Variants in SPECC1L observed in about 807,000 individuals in gnomAD.
SPECC1L encodes sperm antigen with calponin homology and coiled-coil domains 1 like, also known as cytospin-A.
Under a neutral mutation model 116.8 loss-of-function variants are expected in SPECC1L, and 40 were observed. The observed-to-expected ratio is 0.34, with a 90% CI of 0.27 to 0.45. The LOEUF is 0.45. Among genes scored for constraint, SPECC1L ranks in the 20% least tolerant of loss-of-function variants. The pLI is 1.00. For missense variants in SPECC1L, 1,110 were observed against 1,373.6 expected, an observed-to-expected ratio of 0.81 and a Z score of 3.03; for synonymous variants, 504 against 500.6, an observed-to-expected ratio of 1.01 and a Z score of -0.09.
Position 24,392,720 on chromosome 22 carries a change from C to T in SPECC1L, c.3088-18868C>T, listed in dbSNP as rs552352469. On this transcript the variant is annotated intron_variant, in intron 14 of 16. Transcript: ENST00000314328. ...GAGGCTGGTTATCTATAAACACCAC[C>T]CAAAACTTAATGGCTTAACATAATG... Among the ~76,000 whole-genome samples, 13 of 152,282 alleles carry T rather than the reference C, an allele frequency of 8.5e-5. No homozygotes were observed. In the South Asian group the frequency reaches 2.5e-3, roughly 29 times the overall value.
chr22:24,393,552 G>C (rs892136425), intron 14 of SPECC1L, among the ~76,000 whole-genome samples: 1 of 152,202 alleles, frequency 6.6e-6, no homozygotes, highest in Non-Finnish European at 1.5e-5. Flanking sequence ...ACTGTATCCA[G>C]TTCTGCCATG....
At chr22:24,363,238 G>A (rs142826225) in intron 11 of SPECC1L, 23 bp from the exon 12 acceptor site, 1 of 1,602,924 alleles carries the variant, frequency 6.2e-7, no homozygotes, top group East Asian at 2.2e-5. Context: ...TTTCTTTATT[G>A]GGATTCTTTC....
intron 14 of SPECC1L, among the ~76,000 whole-genome samples, chr22:24,402,015 C>T (rs2042485765): frequency 6.6e-6 from 1 of 152,128 alleles, no homozygotes; most frequent in South Asian, 2.1e-4. Context: ...GCCCTGCCTC[C>T]TTCTTGCTCC....
chr22:24,405,729 A>C lies in SPECC1L; in HGVS notation c.3088-5859A>C, dbSNP rs137911268. Among the ~76,000 whole-genome samples the C allele has an allele frequency of 4.0e-3, 613 of 151,716 alleles. 7 individuals carry two copies. Among genetic ancestry groups the C allele is most frequent in the African/African-American group, 0.014 (571 of 41,334 alleles). On this transcript the variant is annotated intron_variant, in intron 14 of 16. Coordinates refer to ENST00000314328, the MANE Select transcript of SPECC1L (RefSeq NM_015330.6). The stretch of plus-strand genomic sequence containing the variant: ...GTGGCGGGTGCTTACAATCCCAGCT[A>C]CTCAGGAGGCTGATGCAGAGAATTG...
intron 3 of SPECC1L, among the ~76,000 whole-genome samples, chr22:24,308,243 T>C (rs557110379): frequency 6.6e-6 from 1 of 152,322 alleles, no homozygotes; most frequent in African/African-American, 2.4e-5. Flanking sequence ...CCAGTTGTGC[T>C]AATTTCAGAT....
intron 14 of SPECC1L, among the ~76,000 whole-genome samples, chr22:24,385,887 C>T (rs920388642): frequency 7.9e-5 from 12 of 152,166 alleles, no homozygotes; most frequent in Non-Finnish European, 1.6e-4. Context: ...ATGCTATTAA[C>T]TACTTTGTCC....
At chr22:24,340,189 C>T (rs911430607) in intron 10 of SPECC1L, among the ~76,000 whole-genome samples, 3 of 129,126 alleles carry the variant, frequency 2.3e-5, no homozygotes, top group African/African-American at 9.0e-5. Flanking sequence ...CACTCTGTTG[C>T]CCAGGCTGGA....
At chr22:24,280,809 ACTT>A (rs2048928273) in intron 2 of SPECC1L, among the ~76,000 whole-genome samples, 1 of 151,800 alleles carries the variant, frequency 6.6e-6, no homozygotes, top group African/African-American at 2.4e-5. Flanking sequence ...GAACTCCTGA[ACTT>A]CTGGGCTCAC....
chr22:24,327,650 T>TAA (rs201501093), intron 6 of SPECC1L, among the ~76,000 whole-genome samples: 1 of 148,182 alleles, frequency 6.7e-6, no homozygotes, highest in Non-Finnish European at 1.5e-5. Context: ...GGATACTTAT[T>TAA]AAAAAAAAAA....
intron 14 of SPECC1L, among the ~76,000 whole-genome samples, chr22:24,402,216 A>G (rs1221195631): frequency 6.8e-6 from 1 of 147,594 alleles, no homozygotes; most frequent in East Asian, 2.1e-4. Context: ...GGAGGAGATA[A>G]GCACTGTAGT....
chr22:24,393,970 C>CT (rs566035312), intron 14 of SPECC1L, among the ~76,000 whole-genome samples: 1 of 152,174 alleles, frequency 6.6e-6, no homozygotes, highest in African/African-American at 2.4e-5. Flanking sequence ...GCTCCTTTCA[C>CT]TTAGCACATT....
At chr22:24,282,223 AG>A (rs1420640554) in intron 2 of SPECC1L, among the ~76,000 whole-genome samples, 2 of 152,214 alleles carry the variant, frequency 1.3e-5, no homozygotes, top group African/African-American at 4.8e-5. Context: ...CAGTTTAGGG[AG>A]GGTCAGAATC....
intron 1 of SPECC1L, among the ~76,000 whole-genome samples, chr22:24,272,982 C>G (rs192125111): frequency 1.3e-3 from 193 of 152,258 alleles, no homozygotes; most frequent in Non-Finnish European, 1.5e-3. Flanking sequence ...AGCTTTATCA[C>G]AGGTGCACGT....
rs41277307 is a variant in SPECC1L, at chr22:24,415,460, C to T, written c.*837C>T. 1,130 of 152,708 alleles carry T rather than the reference C, an allele frequency of 7.4e-3. 6 individuals are homozygous for T. Among genetic ancestry groups the T allele is most frequent in the South Asian group, 0.013 (61 of 4,826 alleles). The allele number at this position is 152,708 out of a possible 1,614,324, so 9.5% of individuals were successfully genotyped here. ...TGTTACGAGCAATGCTGGAAAAGGT[C>T]GCTCCTGTTCTGTTAGTACCAAAGT... On this transcript the variant is annotated 3_prime_UTR_variant, in exon 17 of 17. Coordinates refer to ENST00000314328, the MANE Select transcript of SPECC1L (RefSeq NM_015330.6).
intron 11 of SPECC1L, 148 bp from the exon 12 acceptor site, chr22:24,363,113 A>G (rs889682673): frequency 9.6e-6 from 7 of 732,254 alleles, no homozygotes; most frequent in Non-Finnish European, 1.7e-5. Flanking sequence ...TTGGATAAAC[A>G]GACTATGGGA....
At chr22:24,317,417 G>A (rs2040607904) in intron 4 of SPECC1L, among the ~76,000 whole-genome samples, 1 of 124,312 alleles carries the variant, frequency 8.0e-6, no homozygotes, top group East Asian at 2.6e-4. Context: ...CCTCCCAGAT[G>A]GGGCGCTGGC....
chr22:24,372,867 T>G (rs895761254), intron 14 of SPECC1L, among the ~76,000 whole-genome samples: 9 of 152,234 alleles, frequency 5.9e-5, no homozygotes, highest in African/African-American at 2.2e-4. Context: ...ATTATATATC[T>G]AGAAAACTCC....
At chr22:24,370,013 G>A (rs2041842706) in intron 14 of SPECC1L, among the ~76,000 whole-genome samples, 1 of 152,156 alleles carries the variant, frequency 6.6e-6, no homozygotes, top group Admixed American at 6.5e-5. Flanking sequence ...TCATGCTTTG[G>A]CACAAATGCA....
At chr22:24,310,486 G>A (rs2040441173) in intron 3 of SPECC1L, among the ~76,000 whole-genome samples, 1 of 152,208 alleles carries the variant, frequency 6.6e-6, no homozygotes, top group Non-Finnish European at 1.5e-5. Context: ...CAACTAAGGA[G>A]AGTGCCTGTT....
Sources: allele counts gnomAD v4.1 joint callset (sites outside exome capture counted in the v4.1 genomes callset), GRCh38; gene constraint gnomAD v4.1.1; transcripts MANE v1.5; gene names NCBI Gene and HGNC (gene_info 2026-07-23, HGNC 2026-07-21).